Variants in CALCA observed in about 807,000 individuals in gnomAD.
CALCA encodes the protein calcitonin.
Under a neutral mutation model 6.9 loss-of-function variants are expected in CALCA, and 4 were observed. That is an observed-to-expected ratio of 0.58 (90% CI 0.29 to 1.33). The LOEUF (loss-of-function observed/expected upper bound fraction) is 1.33, where lower values mean the gene tolerates loss of function less well. Among genes scored for constraint, CALCA ranks in the 40% most tolerant of loss-of-function variants. The pLI is 0.09. For missense variants in CALCA, 174 were observed against 178.3 expected (o/e 0.98, Z 0.14); for synonymous variants, 78 against 70.0 (o/e 1.11, Z -0.57).
downstream of CALCA, chr11:14,967,622 C>T (rs890233649): frequency 4.2e-5 from 67 of 1,600,462 alleles, no homozygotes; most frequent in Non-Finnish European, 5.5e-5. Context: ...GTTTTACACC[C>T]CTGTAAAAAC....
At position 14,970,023 on chromosome 11, in the gene CALCA, CT is replaced by C. The variant is rs781835072; in HGVS notation, c.138del (p.Ala47ArgfsTer15). The C allele has an allele frequency of 4.3e-6, 7 of 1,614,272 alleles. No homozygotes were observed. In the South Asian group the frequency reaches 6.6e-5, roughly 15 times the overall value. ...PADPATLSED[E>X]ARLLLAALVQ... ...ACCAGTGCAGCCAGCAGGAGGCGCG[CT>C]TCGTCCTCACTGAGCGTGGCCGGGT... On this transcript the variant is annotated frameshift_variant, in exon 3 of 4. Coordinates refer to ENST00000331587, the MANE Select transcript of CALCA (RefSeq NM_001741.3). LOFTEE classifies it high-confidence loss of function.
At position 14,968,921 on chromosome 11, in the gene CALCA, T is replaced by A. The variant is rs781875140; in HGVS notation, c.304A>T (p.Lys102Ter). Residue 102 changes from lysine (K) to a stop codon, truncating the protein, a stop_gained, in exon 4 of 4, where the codon AAG becomes TAG. Transcript: ENST00000331587. LOFTEE classifies it low-confidence loss of function (END_TRUNC). ...GCAGTTTGGGGGAACGTGTGAAACT[T>A]GTTGAAGTCCTGCGTGTATGTGCCC... ...MLGTYTQDFN[K>*]FHTFPQTAIG... 10 of 1,614,060 alleles carry A rather than the reference T, an allele frequency of 6.2e-6. No homozygotes were observed. The East Asian group carries it at 2.0e-4, about 32-fold the overall frequency.
rs1565208999 is a variant in CALCA, at chr11:14,969,941, C to A, written c.221G>T (p.Gly74Val). The change falls in exon 3 of 4, where the codon GGC becomes GTC. Residue 74 changes from glycine (G) to valine (V), a missense_variant. Coordinates refer to ENST00000331587, the MANE Select transcript of CALCA (RefSeq NM_001741.3). ...SELEQEQERE[G>V]SSLDSPRSKR... ...AGCGCTTGGGGAGCCTCACCTGGAG[C>A]CCTCTCTCTCTTGCTCCTGCTCCAG... is the stretch of plus-strand genomic sequence containing the variant. The A allele has an allele frequency of 1.2e-6, 2 of 1,612,920 alleles. No individual in the cohort carries two copies. Among genetic ancestry groups the A allele is most frequent in the East Asian group, 4.5e-5 (2 of 44,884 alleles).
At chr11:14,967,653 C>G (rs782658780), downstream of CALCA, 6 of 1,612,906 alleles carry the variant, frequency 3.7e-6, no homozygotes, top group Non-Finnish European at 5.1e-6. Context: ...TCTTCCCATC[C>G]CATCATACAA....
downstream of CALCA, chr11:14,967,836 T>C (rs781846579): frequency 1.2e-6 from 2 of 1,614,176 alleles, no homozygotes; most frequent in African/African-American, 1.3e-5. Context: ...TGTCACAGGC[T>C]CTCTTCTGGG....
intron 1 of CALCA, 87 bp downstream of exon 1, chr11:14,972,158 G>A (rs1411665699): frequency 6.6e-6 from 1 of 152,618 alleles, no homozygotes; most frequent in Non-Finnish European, 1.5e-5. Context: ...CGGAGAGAGA[G>A]GGAGAGGAGG....
At position 14,968,649 on chromosome 11, in the gene CALCA, C is replaced by T; in HGVS notation, c.*150G>A. 6.3e-7 allele frequency: 1 copy of T among 1,594,792 alleles called. No individual in the cohort carries two copies. The highest frequency in any genetic ancestry group is 8.5e-7 in the Non-Finnish European group (1 of 1,171,416). Reference sequence around the variant, plus strand: ...TCTCTTCCAACCTGTGAGTCCTGCTCTCTTTCCTCCCATCTGAAGTTTGAG... The same window carrying T: ...TCTCTTCCAACCTGTGAGTCCTGCTTTCTTTCCTCCCATCTGAAGTTTGAG... On this transcript the variant is annotated 3_prime_UTR_variant, in exon 4 of 4. Coordinates refer to ENST00000331587, the MANE Select transcript of CALCA (RefSeq NM_001741.3).
At chr11:14,968,396 T>G, downstream of CALCA, 2 of 1,144,814 alleles carry the variant, frequency 1.7e-6, no homozygotes, top group East Asian at 1.2e-4. Flanking sequence ...ACCCACCATA[T>G]CCTCTGTCCA....
At position 14,968,540 on chromosome 11, in the gene CALCA, A is replaced by G; in HGVS notation, c.*259T>C. On this transcript the variant is annotated 3_prime_UTR_variant, in exon 4 of 4. Coordinates refer to ENST00000331587, the MANE Select transcript of CALCA (RefSeq NM_001741.3). ...ATTTTATTCCTCAAATGATCAGCAC[A>G]TTCAGAAGCAGGACAGAGGAGCTCT... is the stretch of plus-strand genomic sequence containing the variant. The G allele has an allele frequency of 3.6e-6, 5 of 1,378,994 alleles. No individual in the cohort carries two copies. The highest frequency in any genetic ancestry group is 4.7e-6 in the Non-Finnish European group (5 of 1,065,858). 85.4% of individuals were successfully genotyped at this position (1,378,994 alleles called of 1,614,324 possible). A position where few individuals can be genotyped will look rare whatever the true frequency, so the allele number is the denominator to read the frequency against.
intron 1 of CALCA, 108 bp downstream of exon 1, chr11:14,972,137 G>C (rs1849621620): frequency 6.6e-6 from 1 of 152,496 alleles, no homozygotes; most frequent in African/African-American, 2.4e-5. Flanking sequence ...ACTATCTGAT[G>C]AAGAGACTAA....
chr11:14,970,111 G>A, intron 2 of CALCA, 36 bp from the exon 3 acceptor site: 2 of 1,610,568 alleles, frequency 1.2e-6, no homozygotes, highest in Non-Finnish European at 1.7e-6. Context: ...CAGGCTGTGA[G>A]CCCCTGCCTG....
At chr11:14,968,157 C>T (rs1555025740), downstream of CALCA, 21 of 447,454 alleles carry the variant, frequency 4.7e-5, no homozygotes, top group South Asian at 3.2e-4. Context: ...AAAATCAAAG[C>T]GGAGGTTTAT....
At chr11:14,970,131 AG>A in intron 2 of CALCA, 56 bp from the exon 3 acceptor site, 3 of 1,604,006 alleles carry the variant, frequency 1.9e-6, no homozygotes, top group Non-Finnish European at 2.6e-6. Context: ...GCCCCTCCCC[AG>A]GATAAGCAGC....
chr11:14,969,438 C>A (rs1849538013), intron 3 of CALCA, among the ~76,000 whole-genome samples: 1 of 152,186 alleles, frequency 6.6e-6, no homozygotes, highest in African/African-American at 2.4e-5. Flanking sequence ...TCAAACCTAC[C>A]TCAGACACTG....
intron 3 of CALCA, among the ~76,000 whole-genome samples, 155 bp downstream of exon 3, chr11:14,969,780 C>T (rs1849549102): frequency 6.6e-6 from 1 of 152,310 alleles, no homozygotes; most frequent in African/African-American, 2.4e-5. Flanking sequence ...CTCTGTCTCC[C>T]TTGGAGGCTG....
chr11:14,968,121 C>G, downstream of CALCA: 1 of 540,966 alleles, frequency 1.8e-6, no homozygotes, highest in Non-Finnish European at 3.3e-6. Flanking sequence ...GCAGTAACAG[C>G]CAATCTTTCC....
chr11:14,971,143 A>G lies in CALCA; in HGVS notation c.50T>C (p.Leu17Pro), dbSNP rs371778314. The G allele has an allele frequency of 6.8e-6, 11 of 1,614,014 alleles. No individual in the cohort carries two copies. The African/African-American group carries it at 1.5e-4, about 22-fold the overall frequency. Residue 17 changes from leucine to proline, a missense_variant, in exon 2 of 4, where the codon CTG becomes CCG. Physicochemically the swap from Leu to Pro is moderately conservative, Grantham distance 98. Transcript: ENST00000331587. ...SPFLALSILV[L>P]LQAGSLHAAP... ...TGCATGGAGGCTGCCTGCCTGCAAC[A>G]GGACCAAGATGCTGAGAGCCAGGAA...
chr11:14,969,912 G>T (rs782247219), intron 3 of CALCA, 23 bp downstream of exon 3: 3 of 1,612,350 alleles, frequency 1.9e-6, no homozygotes, highest in Non-Finnish European at 2.5e-6. Flanking sequence ...GAGGCCCTGT[G>T]CTGAGCGCTT....
At chr11:14,969,107 C>T in intron 3 of CALCA, 110 bp from the exon 4 acceptor site, 1 of 931,456 alleles carries the variant, frequency 1.1e-6, no homozygotes, top group Admixed American at 1.8e-5. Context: ...GAGGGGCAGG[C>T]AGGAGGGCAG....
Sources: gnomAD v4.1 joint callset for allele counts (sites outside exome capture counted in the v4.1 genomes callset) on GRCh38, gnomAD v4.1.1 for gene constraint, MANE v1.5 for transcripts, NCBI Gene and HGNC (gene_info 2026-07-23, HGNC 2026-07-21) for gene names.